The following CC2D2A variants were observed in gnomAD, a reference collection of about 807,000 sequenced individuals.
The protein encoded by CC2D2A is coiled-coil and C2 domain-containing protein 2A.
Under a neutral mutation model 212.9 loss-of-function variants are expected in CC2D2A, and 155 were observed. The observed-to-expected ratio is 0.73, with a 90% confidence interval of 0.64 to 0.83. The LOEUF (loss-of-function observed/expected upper bound fraction) is 0.83, where lower values mean the gene tolerates loss of function less well. Among genes scored for constraint, CC2D2A ranks in the 40% least tolerant of loss-of-function variants. The pLI is 0.00. For missense variants in CC2D2A, 1,856 were observed against 1,956.2 expected, an observed-to-expected ratio of 0.95 and a Z score of 0.97; for synonymous variants, 667 against 686.5, an observed-to-expected ratio of 0.97 and a Z score of 0.44.
chr4:15,485,829 C>T (rs548040752), intron 4 of CC2D2A, among the ~76,000 whole-genome samples: 1 of 152,170 alleles, frequency 6.6e-6, no homozygotes, highest in Admixed American at 6.5e-5. Flanking sequence ...TATGTTTTAT[C>T]TGTTGAGATA....
intron 32 of CC2D2A, among the ~76,000 whole-genome samples, chr4:15,588,886 ATAAT>A: frequency 6.6e-6 from 1 of 151,928 alleles, no homozygotes; most frequent in Non-Finnish European, 1.5e-5. Flanking sequence ...AATGATAACA[ATAAT>A]AAATAAATAA....
chr4:15,510,208 G>A lies in CC2D2A; in HGVS notation c.508G>A (p.Asp170Asn). 6.2e-7 allele frequency: 1 copy of A among 1,612,088 alleles called. No individual in the cohort carries two copies. The highest frequency in any genetic ancestry group is 8.5e-7 in the Non-Finnish European group (1 of 1,179,408). Reference protein sequence around the residue: ...SQSYSRVKFHDSARKIKPKPQ... With the variant: ...SQSYSRVKFHNSARKIKPKPQ... ...AAGTTACTCAAGAGTCAAGTTCCAT[G>A]ATTCTGCACGAAAAATCAAGCCTAA... The change falls in exon 7 of 37, where the codon GAT becomes AAT. Residue 170 changes from aspartate (D) to asparagine (N), a missense_variant. Physicochemically the swap from Asp to Asn is conservative, Grantham distance 23 (BLOSUM62 1). Coordinates refer to ENST00000424120, the MANE Select transcript of CC2D2A (RefSeq NM_001378615.1).
intron 1 of CC2D2A, among the ~76,000 whole-genome samples, chr4:15,474,136 CT>C (rs1188409424): frequency 5.3e-5 from 8 of 152,118 alleles, no homozygotes; most frequent in African/African-American, 1.9e-4. Flanking sequence ...GCATTCCTAT[CT>C]TTGGTGGTCT....
intron 3 of CC2D2A, chr4:15,479,196 C>T: frequency 1.3e-6 from 2 of 1,512,984 alleles, no homozygotes; most frequent in Non-Finnish European, 8.9e-7. Context: ...TTTCCAACTC[C>T]AAGCCCAAAT....
intron 11 of CC2D2A, among the ~76,000 whole-genome samples, chr4:15,521,324 T>C (rs6825815): frequency 0.13 from 20,068 of 152,240 alleles, 1,513 homozygotes; most frequent in African/African-American, 0.21. Flanking sequence ...AATGTAATTA[T>C]TGTAACCTTC....
At chr4:15,580,239 A>T in intron 30 of CC2D2A, 68 bp downstream of exon 30, 2 of 1,143,136 alleles carry the variant, frequency 1.7e-6, no homozygotes, top group Non-Finnish European at 1.3e-6. Flanking sequence ...TTGCCATTTT[A>T]ATTACCATAT....
At chr4:15,591,268 G>A (rs1484746178) in intron 33 of CC2D2A, among the ~76,000 whole-genome samples, 1 of 148,402 alleles carries the variant, frequency 6.7e-6, no homozygotes, top group African/African-American at 2.5e-5. Context: ...TGCCCAGGCT[G>A]GAGTGCAACG....
chr4:15,594,682 A>T (rs1471989611), intron 33 of CC2D2A, among the ~76,000 whole-genome samples: 2 of 152,288 alleles, frequency 1.3e-5, no homozygotes, highest in African/African-American at 4.8e-5. Flanking sequence ...TTTTAGTGGG[A>T]GGAACTGCAA....
chr4:15,479,366 G>A (rs1287950988), intron 3 of CC2D2A: 1 of 1,451,956 alleles, frequency 6.9e-7, no homozygotes, highest in Admixed American at 2.0e-5. Context: ...TGAGAAGGGA[G>A]GCAGGGAAGC....
At chr4:15,534,681 T>C (rs535417178) in intron 14 of CC2D2A, among the ~76,000 whole-genome samples, 2 of 152,330 alleles carry the variant, frequency 1.3e-5, no homozygotes, top group East Asian at 1.9e-4. Context: ...ATCAGACCTA[T>C]TGCTTTGAAA....
intron 29 of CC2D2A, among the ~76,000 whole-genome samples, chr4:15,578,816 G>GTTTGTTTGT (rs1359155202): frequency 8.4e-6 from 1 of 118,970 alleles, no homozygotes; most frequent in African/African-American, 3.0e-5. Flanking sequence ...TTGTTTGTTT[G>GTTTGTTTGT]TTTTTAATAG....
chr4:15,593,626 C>G (rs1721200077), intron 33 of CC2D2A, among the ~76,000 whole-genome samples: 1 of 152,128 alleles, frequency 6.6e-6, no homozygotes, highest in African/African-American at 2.4e-5. Context: ...GCAGTCTTTC[C>G]CATCTCAATA....
At chr4:15,526,168 G>T (rs1577348889) in intron 11 of CC2D2A, among the ~76,000 whole-genome samples, 2 of 152,156 alleles carry the variant, frequency 1.3e-5, no homozygotes, top group Admixed American at 1.3e-4. Flanking sequence ...CTTCTAAATT[G>T]ATTGCTGCTT....
At chr4:15,516,860 A>G (rs769773062) in intron 11 of CC2D2A, 104 bp downstream of exon 11, 20 of 1,181,354 alleles carry the variant, frequency 1.7e-5, no homozygotes, top group Non-Finnish European at 2.3e-5. Context: ...TTAATTTTTT[A>G]AATAATTCAC....
chr4:15,487,792 A>AT (rs34391641), intron 4 of CC2D2A, among the ~76,000 whole-genome samples: 52,088 of 147,422 alleles, frequency 0.35, 10,180 homozygotes, highest in East Asian at 0.72. Context: ...TGTTAAAAAA[A>AT]TTTTTTTTTT....
chr4:15,555,152 CA>C lies in CC2D2A; in HGVS notation c.2568del (p.Glu857SerfsTer14). 3.1e-6 allele frequency: 5 copies of C among 1,613,884 alleles called. No homozygotes were observed. Among genetic ancestry groups the C allele is most frequent in the Non-Finnish European group, 4.2e-6 (5 of 1,179,834 alleles). ...ATGAAAAAATTGGCCAAGTGGGCAG[CA>C]GAGTCCAAGCTCGACCCAAATGACC... The part of the protein sequence containing the change: ...TDMKKLAKWA[A>X]ESKLDPNDPN... On this transcript the variant is annotated frameshift_variant, in exon 20 of 37. Transcript: ENST00000424120. LOFTEE classifies it high-confidence loss of function.
chr4:15,587,736 A>G, intron 31 of CC2D2A, 80 bp from the exon 32 acceptor site: 1 of 750,206 alleles, frequency 1.3e-6, no homozygotes, highest in South Asian at 1.5e-5. Context: ...AACCTCTACT[A>G]TGACATATTA....
chr4:15,500,107 G>GTGTGTGTGTATA (rs1479141284), intron 4 of CC2D2A, among the ~76,000 whole-genome samples: 93 of 112,938 alleles, frequency 8.2e-4, no homozygotes, highest in Middle Eastern at 4.2e-3. Flanking sequence ...GTGTGTGTGT[G>GTGTGTGTGTATA]TATATATATA....
At chr4:15,599,113 A>C (rs1006761619) in intron 35 of CC2D2A, among the ~76,000 whole-genome samples, 3 of 152,062 alleles carry the variant, frequency 2.0e-5, no homozygotes, top group Non-Finnish European at 2.9e-5. Flanking sequence ...GTGAGCTGTG[A>C]TTGTACCACT....
Sources: allele counts gnomAD v4.1 joint callset (sites outside exome capture counted in the v4.1 genomes callset), GRCh38; gene constraint gnomAD v4.1.1; transcripts MANE v1.5; gene names NCBI Gene and HGNC (gene_info 2026-07-23, HGNC 2026-07-21).